RPH3A: variants seen among roughly 807,000 people sequenced by gnomAD.
RPH3A encodes the protein rabphilin-3A.
In RPH3A, 48 loss-of-function variants were observed where a neutral mutation model predicts 102.2. That is an observed-to-expected ratio of 0.47 (90% CI 0.37 to 0.60). The LOEUF is 0.60. Among genes scored for constraint, RPH3A ranks in the 20% least tolerant of loss-of-function variants. The probability of loss-of-function intolerance (pLI) is 0.00; values close to 1 mark genes in which losing one functional copy is unlikely to be tolerated. For missense variants in RPH3A, 781 were observed against 910.1 expected, an observed-to-expected ratio of 0.86 and a Z score of 1.83; for synonymous variants, 310 against 324.3, an observed-to-expected ratio of 0.96 and a Z score of 0.47.
At chr12:112,703,334 T>C (rs2040407623) in intron 1 of RPH3A, among the ~76,000 whole-genome samples, 1 of 152,066 alleles carries the variant, frequency 6.6e-6, no homozygotes. Context: ...AATGAAAAGG[T>C]TTTATTTATT....
intron 1 of RPH3A, among the ~76,000 whole-genome samples, chr12:112,657,832 A>T (rs879219227): frequency 1.3e-5 from 2 of 152,186 alleles, no homozygotes; most frequent in Non-Finnish European, 2.9e-5. Flanking sequence ...TGTGATTTTA[A>T]ATAGGAGGTC....
chr12:112,670,417 A>C (rs1592935189), intron 1 of RPH3A, among the ~76,000 whole-genome samples: 1 of 152,188 alleles, frequency 6.6e-6, no homozygotes, highest in East Asian at 1.9e-4. Context: ...TCCTGACCTC[A>C]GGAGTTCTGC....
chr12:112,633,974 A>T (rs987744733), intron 1 of RPH3A, among the ~76,000 whole-genome samples: 16 of 152,182 alleles, frequency 1.1e-4, no homozygotes, highest in African/African-American at 3.9e-4. Flanking sequence ...CTAAGTCAAG[A>T]TGGGAAGCAA....
At chr12:112,618,110 T>C (rs181687477) in intron 1 of RPH3A, among the ~76,000 whole-genome samples, 1 of 152,300 alleles carries the variant, frequency 6.6e-6, no homozygotes, top group East Asian at 1.9e-4. Context: ...GAATCTAGCA[T>C]GTCTCCGAAT....
At chr12:112,779,303 G>A (rs897201842) in intron 1 of RPH3A, among the ~76,000 whole-genome samples, 7 of 152,156 alleles carry the variant, frequency 4.6e-5, no homozygotes, top group East Asian at 1.9e-4. Flanking sequence ...AGTCTCTGTC[G>A]GAGGAGTCCC....
chr12:112,582,756 GAAC>G (rs1234426469), intron 1 of RPH3A, among the ~76,000 whole-genome samples: 1 of 151,906 alleles, frequency 6.6e-6, no homozygotes, highest in East Asian at 1.9e-4. Flanking sequence ...GCCTGGCCAC[GAAC>G]AACATTTTTA....
intron 5 of RPH3A, among the ~76,000 whole-genome samples, chr12:112,848,611 T>C (rs933494642): frequency 6.6e-5 from 10 of 152,176 alleles, no homozygotes; most frequent in African/African-American, 2.2e-4. Flanking sequence ...TGACCCAGGC[T>C]CTGGTGACAC....
intron 1 of RPH3A, among the ~76,000 whole-genome samples, chr12:112,657,192 G>C (rs1345700613): frequency 6.6e-6 from 1 of 152,072 alleles, no homozygotes; most frequent in Non-Finnish European, 1.5e-5. Flanking sequence ...CTGATGATTA[G>C]TGATGTTGAG....
At position 112,821,973 on chromosome 12, in the gene RPH3A, T is replaced by TA. The variant is rs34609103; in HGVS notation, c.-18-6315dup. 3.8e-3 allele frequency among the ~76,000 whole-genome samples: 546 copies of TA among 143,840 alleles called. 2 individuals are homozygous for TA. The highest frequency in any genetic ancestry group is 7.0e-3 in the African/African-American group (279 of 39,720). The allele number at this position is 143,840 out of a possible 152,430, so 94.4% of individuals were successfully genotyped here. A position where few individuals can be genotyped will look rare whatever the true frequency, so the allele number is the denominator to read the frequency against. On this transcript the variant is annotated intron_variant, in intron 2 of 21. Transcript: ENST00000389385. ...TAAGATATTGATTGAATTTTACCCT[T>TA]AAAAAAAAAAAAACCCCTTCATGGG...
intron 1 of RPH3A, among the ~76,000 whole-genome samples, chr12:112,728,007 A>G (rs2040607397): frequency 6.6e-6 from 1 of 152,220 alleles, no homozygotes; most frequent in South Asian, 2.1e-4. Context: ...CTACTGAAGA[A>G]GAGGAAAACC....
At chr12:112,888,623 T>C (rs2043042636) in intron 17 of RPH3A, among the ~76,000 whole-genome samples, 1 of 152,224 alleles carries the variant, frequency 6.6e-6, no homozygotes, top group Admixed American at 6.5e-5. Flanking sequence ...ACTAACCTCA[T>C]AGGATCTTTT....
At chr12:112,842,363 A>T (rs541084418) in intron 4 of RPH3A, among the ~76,000 whole-genome samples, 1 of 152,370 alleles carries the variant, frequency 6.6e-6, no homozygotes, top group African/African-American at 2.4e-5. Flanking sequence ...TACATGGTCT[A>T]GTTGACCCTC....
At chr12:112,628,866 G>A (rs780378821) in intron 1 of RPH3A, among the ~76,000 whole-genome samples, 3 of 152,118 alleles carry the variant, frequency 2.0e-5, no homozygotes, top group Non-Finnish European at 2.9e-5. Flanking sequence ...GCAGCAGTGG[G>A]TGAGGGAAAA....
At chr12:112,678,271 A>G (rs1338475600) in intron 1 of RPH3A, among the ~76,000 whole-genome samples, 4 of 80,038 alleles carry the variant, frequency 5.0e-5, no homozygotes, top group African/African-American at 2.6e-4. Flanking sequence ...GAAAGAAAGA[A>G]AGAAAGAAAG....
At chr12:112,862,531 T>C (rs944443205) in intron 5 of RPH3A, among the ~76,000 whole-genome samples, 1 of 152,186 alleles carries the variant, frequency 6.6e-6, no homozygotes, top group African/African-American at 2.4e-5. Context: ...GACTATGGAC[T>C]GGGAGCTTGT....
At chr12:112,852,755 G>A (rs2042343847) in intron 5 of RPH3A, among the ~76,000 whole-genome samples, 1 of 152,150 alleles carries the variant, frequency 6.6e-6, no homozygotes, top group African/African-American at 2.4e-5. Context: ...TTACTCACAG[G>A]ACTTTTAGAA....
At chr12:112,773,669 G>A (rs188385492) in intron 1 of RPH3A, among the ~76,000 whole-genome samples, 116 of 151,640 alleles carry the variant, frequency 7.6e-4, no homozygotes, top group African/African-American at 2.2e-3. Context: ...TGGTGTTGGC[G>A]GATAGAATGA....
intron 6 of RPH3A, among the ~76,000 whole-genome samples, chr12:112,866,482 T>A (rs1335765147): frequency 1.3e-5 from 2 of 152,148 alleles, no homozygotes; most frequent in East Asian, 3.8e-4. Flanking sequence ...AAAAAGTATG[T>A]CAGTGATCTC....
chr12:112,621,651 A>T (rs2039726715), intron 1 of RPH3A, among the ~76,000 whole-genome samples: 1 of 151,744 alleles, frequency 6.6e-6, no homozygotes, highest in African/African-American at 2.4e-5. Flanking sequence ...GCCATTGCCC[A>T]GGCTTGCTTA....
Sources: allele counts gnomAD v4.1 joint callset (sites outside exome capture counted in the v4.1 genomes callset), GRCh38; gene constraint gnomAD v4.1.1; transcripts MANE v1.5; gene names NCBI Gene and HGNC (gene_info 2026-07-23, HGNC 2026-07-21).